ACAD10: variants seen among roughly 807,000 people sequenced by gnomAD.
ACAD10 encodes acyl-CoA dehydrogenase family member 10.
A neutral mutation model predicts 116.8 loss-of-function variants in ACAD10; 112 were observed. The observed-to-expected ratio is 0.96, with a 90% CI of 0.82 to 1.12. ACAD10 has a LOEUF of 1.12. Ranked by LOEUF, ACAD10 falls within the 50% of genes most tolerant of loss-of-function variation. ACAD10 has a pLI of 0.00. For synonymous variants in ACAD10, 486 were observed against 510.6 expected (o/e 0.95, Z 0.65); for missense variants, 1,259 against 1,350.2 (o/e 0.93, Z 1.06).
rs1593041315 is a variant in ACAD10 at position 111,729,908 on chromosome 12, T to C, written c.1346T>C (p.Leu449Pro). 1 of 1,614,106 alleles carries C rather than the reference T, an allele frequency of 6.2e-7. No individual in the cohort carries two copies. The highest frequency in any genetic ancestry group is 8.5e-7 in the Non-Finnish European group (1 of 1,180,008). Reference protein sequence around the residue: ...AMERLIEWLPLHLPRQQRTTV... With the variant: ...AMERLIEWLPPHLPRQQRTTV... ...GAGAGGCTGATCGAATGGCTGCCCC[T>C]CCATCTTCCCCGTCAGCAGAGGACC... Residue 449 changes from leucine to proline, a missense_variant, in exon 10 of 21, where the codon CTC (leucine) becomes CCC (proline). Physicochemically the swap from Leu to Pro is moderately conservative, Grantham distance 98. Coordinates refer to ENST00000313698, the MANE Select transcript of ACAD10 (RefSeq NM_025247.6).
In ACAD10 at chr12:111,728,108, T is replaced by A. The variant is rs962267406; in HGVS notation, c.1208T>A (p.Leu403Gln). 3.7e-6 allele frequency: 6 copies of A among 1,612,260 alleles called. No homozygotes were observed. Among genetic ancestry groups the A allele is most frequent in the Non-Finnish European group, 5.1e-6 (6 of 1,179,186 alleles). ...CTGTGCAAAATTCACAGTGTGGATC[T>A]GCAGGCTGTGGGACTTGAAGACTAT... ...TVLCKIHSVD[L>Q]QAVGLEDYGK... is the part of the protein sequence containing the mutation. Residue 403 changes from leucine to glutamine, a missense_variant, in exon 9 of 21, where the codon CTG becomes CAG. Physicochemically the swap from Leu to Gln is moderately radical, Grantham distance 113 (BLOSUM62 -2). Transcript: ENST00000313698.
At position 111,737,011 on chromosome 12, in the gene ACAD10, G is replaced by C; in HGVS notation, c.1714+7G>C. On this transcript the variant is annotated splice_region_variant and intron_variant, in intron 12 of 20. Coordinates refer to ENST00000313698, the MANE Select transcript of ACAD10 (RefSeq NM_025247.6). Reference sequence around the variant, plus strand: ...TACAAGCGATCACTCACAGGTAATGGGATGGCTGCCCTGAAGAGCCACTGC... The same window carrying C: ...TACAAGCGATCACTCACAGGTAATGCGATGGCTGCCCTGAAGAGCCACTGC... The C allele has an allele frequency of 4.3e-6, 7 of 1,612,612 alleles. No homozygotes were observed. The highest frequency in any genetic ancestry group is 5.9e-6 in the Non-Finnish European group (7 of 1,179,210).
intron 9 of ACAD10, among the ~76,000 whole-genome samples, chr12:111,729,015 C>T (rs1243922606): frequency 1.3e-5 from 2 of 152,034 alleles, no homozygotes; most frequent in Non-Finnish European, 2.9e-5. Context: ...AAGAATAGTT[C>T]TAAGGGCTTT....
At chr12:111,701,690 A>G (rs1466456192) in intron 2 of ACAD10, among the ~76,000 whole-genome samples, 4 of 152,158 alleles carry the variant, frequency 2.6e-5, no homozygotes, top group African/African-American at 9.7e-5. Flanking sequence ...TTGCTTCCTT[A>G]TCCACAAAGA....
chr12:111,726,082 C>T (rs1007247569), intron 8 of ACAD10, among the ~76,000 whole-genome samples: 6 of 151,816 alleles, frequency 4.0e-5, no homozygotes, highest in Admixed American at 2.0e-4. Context: ...GGTGAAACCC[C>T]GTCTCTACTG....
chr12:111,717,859 G>A (rs1888888915), intron 7 of ACAD10, among the ~76,000 whole-genome samples: 1 of 151,682 alleles, frequency 6.6e-6, no homozygotes, highest in African/African-American at 2.4e-5. Context: ...CAAGGTTTTT[G>A]ATTATTAATT....
intron 2 of ACAD10, among the ~76,000 whole-genome samples, chr12:111,696,484 C>A (rs1015045503): frequency 1.3e-5 from 2 of 152,104 alleles, no homozygotes; most frequent in Admixed American, 6.5e-5. Flanking sequence ...ATTTCAATGT[C>A]CATAAAAATG....
intron 7 of ACAD10, among the ~76,000 whole-genome samples, chr12:111,721,462 G>C (rs890935479): frequency 6.6e-6 from 1 of 152,178 alleles, no homozygotes; most frequent in Non-Finnish European, 1.5e-5. Flanking sequence ...CAGCTACTCA[G>C]GAGGCTGAGG....
intron 4 of ACAD10, among the ~76,000 whole-genome samples, chr12:111,707,455 C>T (rs1242127841): frequency 6.6e-6 from 1 of 152,116 alleles, no homozygotes; most frequent in Non-Finnish European, 1.5e-5. Context: ...GTGATAATTC[C>T]CTTTAGAAAC....
At chr12:111,742,471 T>C (rs1216999993) in intron 12 of ACAD10, among the ~76,000 whole-genome samples, 1 of 152,206 alleles carries the variant, frequency 6.6e-6, no homozygotes, top group African/African-American at 2.4e-5. Context: ...TCCAGTAGGC[T>C]AACTCTCTGC....
intron 18 of ACAD10, 114 bp downstream of exon 18, chr12:111,749,459 T>A: frequency 7.4e-7 from 1 of 1,345,090 alleles, no homozygotes; most frequent in Non-Finnish European, 9.9e-7. Flanking sequence ...TGAAGCAAGG[T>A]GATGTCCTTG....
At chr12:111,749,540 C>A in intron 18 of ACAD10, 195 bp downstream of exon 18, 5 of 734,290 alleles carry the variant, frequency 6.8e-6, no homozygotes, top group African/African-American at 1.8e-5. Flanking sequence ...GCAGAATGGA[C>A]CCCACTCTGT....
chr12:111,702,279 T>C lies in ACAD10; in HGVS notation c.305T>C (p.Leu102Ser). ...GCAGAAATAACAGCAGAGGGTTTTT[T>C]ACGAGAATTTGGGAGACTTTGCTCT... ...MRAEITAEGF[L>S]REFGRLCSEM... The change falls in exon 3 of 21, where the codon TTA (leucine) becomes TCA (serine). Residue 102 changes from leucine to serine, a missense_variant. Physicochemically the swap from Leu to Ser is moderately radical, Grantham distance 145. Coordinates refer to ENST00000313698, the MANE Select transcript of ACAD10 (RefSeq NM_025247.6). 6.2e-7 allele frequency: 1 copy of C among 1,614,210 alleles called. No homozygotes were observed. Among genetic ancestry groups the C allele is most frequent in the Non-Finnish European group, 8.5e-7 (1 of 1,180,032 alleles).
Position 111,692,618 on chromosome 12 carries a change from GCC to G in ACAD10, c.-13-76_-13-75del, listed in dbSNP as rs1888083633. On this transcript the variant is annotated intron_variant, in intron 1 of 20. Coordinates refer to ENST00000313698, the MANE Select transcript of ACAD10 (RefSeq NM_025247.6). ...GAGATGGGTTAGAGATGTCTGGCTG[GCC>G]CCTCTGAGCTCCAGGATGGAGGCCT... is the stretch of plus-strand genomic sequence containing the variant. 3 of 1,421,536 alleles carry G rather than the reference GCC, an allele frequency of 2.1e-6. No homozygotes were observed. In the African/African-American group the frequency reaches 4.3e-5, roughly 20 times the overall value. 88.1% of individuals were successfully genotyped at this position (1,421,536 alleles called of 1,614,324 possible).
intron 20 of ACAD10, 132 bp from the exon 21 acceptor site, chr12:111,756,201 G>A (rs1048008932): frequency 6.3e-6 from 9 of 1,439,208 alleles, no homozygotes; most frequent in African/African-American, 5.7e-5. Context: ...ATTAGTGATT[G>A]TATCACATAG....
At chr12:111,688,846 C>T (rs971621794) in intron 1 of ACAD10, among the ~76,000 whole-genome samples, 9 of 151,804 alleles carry the variant, frequency 5.9e-5, no homozygotes, top group Admixed American at 3.3e-4. Context: ...CAGCTCGCTG[C>T]CAGCACAGTA....
chr12:111,709,163 C>T (rs1175467821), intron 4 of ACAD10, among the ~76,000 whole-genome samples: 4 of 152,090 alleles, frequency 2.6e-5, no homozygotes, highest in African/African-American at 9.7e-5. Flanking sequence ...TTGGAACCCA[C>T]TTAAGTTTCA....
At chr12:111,747,681 T>C (rs1253954362) in intron 16 of ACAD10, 5 of 1,195,426 alleles carry the variant, frequency 4.2e-6, no homozygotes, top group Non-Finnish European at 5.2e-6. Flanking sequence ...TCATTCTGCT[T>C]TGGGCAGCTC....
At chr12:111,706,929 A>G (rs568225218) in intron 4 of ACAD10, among the ~76,000 whole-genome samples, 2 of 145,408 alleles carry the variant, frequency 1.4e-5, no homozygotes, top group Non-Finnish European at 3.0e-5. Flanking sequence ...ATGCACCACC[A>G]CCCCTGGCAC....
Sources: allele counts gnomAD v4.1 joint callset (sites outside exome capture counted in the v4.1 genomes callset), GRCh38; gene constraint gnomAD v4.1.1; transcripts MANE v1.5; gene names NCBI Gene and HGNC (gene_info 2026-07-23, HGNC 2026-07-21).